ADCY9: variants seen among roughly 807,000 people sequenced by gnomAD.
The protein encoded by ADCY9 is adenylate cyclase type 9.
ADCY9 carries 50 observed loss-of-function variants against 101.5 expected under a neutral mutation model. The ratio of observed to expected loss-of-function variants is 0.49; its 90% CI spans 0.39 to 0.62. The LOEUF is 0.62. Ranked by LOEUF, ADCY9 falls within the 20% of genes least tolerant of loss-of-function variation. The probability of loss-of-function intolerance (pLI) is 0.00; values close to 1 mark genes in which losing one functional copy is unlikely to be tolerated. For missense variants in ADCY9, 1,662 were observed against 1,800.4 expected (o/e 0.92, Z 1.39); for synonymous variants, 905 against 769.3 (o/e 1.18, Z -2.92).
At chr16:3,974,513 C>T (rs952342618) in intron 10 of ADCY9, among the ~76,000 whole-genome samples, 156 bp downstream of exon 10, 3 of 152,030 alleles carry the variant, frequency 2.0e-5, no homozygotes, top group African/African-American at 7.2e-5. Flanking sequence ...AACTATGATA[C>T]AGTTCAACGA....
At position 3,989,075 on chromosome 16, in the gene ADCY9, A is replaced by G; in HGVS notation, c.2229T>C (p.Phe743=). 1 of 1,613,890 alleles carries G rather than the reference A, an allele frequency of 6.2e-7. No individual in the cohort carries two copies. The highest frequency in any genetic ancestry group is 8.5e-7 in the Non-Finnish European group (1 of 1,179,776). Residue 743 remains phenylalanine (F), a synonymous_variant, in exon 6 of 11, where the codon TTT becomes TTC. Transcript: ENST00000294016. ...KEDSLMKDYF[F]KPPINQFSLN... ...GGCTGAACTGATTAATGGGCGGCTTAAAAAAGTAATCTTTCATCAGGCTAG... is the reference window on the plus strand; with the variant it reads ...GGCTGAACTGATTAATGGGCGGCTTGAAAAAGTAATCTTTCATCAGGCTAG...
intron 2 of ADCY9, among the ~76,000 whole-genome samples, chr16:4,113,047 C>T (rs961029758): frequency 2.6e-5 from 4 of 152,080 alleles, no homozygotes; most frequent in Non-Finnish European, 5.9e-5. Context: ...AGGTACGTTT[C>T]TCCCTTCCAA....
chr16:3,980,881 C>G (rs915263505), intron 7 of ADCY9, among the ~76,000 whole-genome samples: 1 of 152,188 alleles, frequency 6.6e-6, no homozygotes, highest in African/African-American at 2.4e-5. Context: ...CTGCAGGGAT[C>G]TGAAAATGAG....
chr16:4,040,741 T>C (rs566563422), intron 2 of ADCY9, among the ~76,000 whole-genome samples: 1 of 152,086 alleles, frequency 6.6e-6, no homozygotes, highest in South Asian at 2.1e-4. Flanking sequence ...ATAGGAGTAA[T>C]GACATCTTTA....
At chr16:4,034,519 C>T (rs1176922307) in intron 2 of ADCY9, among the ~76,000 whole-genome samples, 2 of 152,160 alleles carry the variant, frequency 1.3e-5, no homozygotes, top group African/African-American at 4.8e-5. Flanking sequence ...AAGAGTTTCT[C>T]CTGCCTCAGC....
chr16:4,009,798 A>T (rs930924600), intron 2 of ADCY9, among the ~76,000 whole-genome samples: 19 of 152,208 alleles, frequency 1.2e-4, no homozygotes, highest in Admixed American at 1.2e-3. Flanking sequence ...TAAAAAATGC[A>T]ACCTATGTGG....
At chr16:4,025,638 G>A (rs2056509847) in intron 2 of ADCY9, among the ~76,000 whole-genome samples, 1 of 152,196 alleles carries the variant, frequency 6.6e-6, no homozygotes, top group Non-Finnish European at 1.5e-5. Flanking sequence ...CGGGGGTGTG[G>A]CAGGGCGGAG....
chr16:4,115,033 T>C lies in ADCY9; in HGVS notation c.410A>G (p.His137Arg), dbSNP rs780267565. The C allele has an allele frequency of 1.5e-5, 25 of 1,613,994 alleles. No homozygotes were observed. In the East Asian group the frequency reaches 3.6e-4, roughly 23 times the overall value. ...CLLWSIYFAV[H>R]MRSRLIVMVA... ...CATGACGATCAGTCTGGATCTCATG[T>C]GGACCGCAAAATAGATGCTCCACAG... Residue 137 changes from histidine to arginine, a missense_variant, in exon 2 of 11, where the codon CAC (histidine) becomes CGC (arginine). Coordinates refer to ENST00000294016, the MANE Select transcript of ADCY9 (RefSeq NM_001116.4). The surrounding 1 kb of genome is among the most constrained non-coding windows in gnomAD (Gnocchi z 6.2).
At chr16:4,009,297 G>T (rs1263431670) in intron 2 of ADCY9, among the ~76,000 whole-genome samples, 1 of 152,028 alleles carries the variant, frequency 6.6e-6, no homozygotes, top group East Asian at 1.9e-4. Flanking sequence ...TTAGAGATAG[G>T]GTCTTGCTCT....
At chr16:3,974,491 A>T (rs900879757) in intron 10 of ADCY9, among the ~76,000 whole-genome samples, 178 bp downstream of exon 10, 1 of 152,182 alleles carries the variant, frequency 6.6e-6, no homozygotes. Context: ...TATTTTCCCC[A>T]TTAGACATTA....
intron 5 of ADCY9, among the ~76,000 whole-genome samples, chr16:3,991,235 A>C (rs2056241174): frequency 6.6e-6 from 1 of 152,238 alleles, no homozygotes; most frequent in Non-Finnish European, 1.5e-5. Flanking sequence ...CTTATTAGTC[A>C]TAAGAGGAAT....
chr16:3,971,413 A>C (rs147988725), intron 10 of ADCY9, among the ~76,000 whole-genome samples: 148 of 152,244 alleles, frequency 9.7e-4, no homozygotes, highest in African/African-American at 3.5e-3. Context: ...TGGTCTTGGG[A>C]GCCCTGATAC....
chr16:4,016,678 T>A lies in ADCY9; in HGVS notation c.1694-9120A>T, dbSNP rs563300230. ...TTGAAAACAAAAAAAGGGAATACACTGAAAATGGAAATAAAGCTGTATGAT... is the reference window on the plus strand; with the variant it reads ...TTGAAAACAAAAAAAGGGAATACACAGAAAATGGAAATAAAGCTGTATGAT... On this transcript the variant is annotated intron_variant, in intron 2 of 10. Transcript: ENST00000294016. 8.5e-5 allele frequency among the ~76,000 whole-genome samples: 13 copies of A among 152,200 alleles called. No individual in the cohort carries two copies. The South Asian group carries it at 2.7e-3, about 32-fold the overall frequency.
intron 10 of ADCY9, among the ~76,000 whole-genome samples, chr16:3,971,182 C>T (rs2056048354): frequency 6.6e-6 from 1 of 152,052 alleles, no homozygotes; most frequent in Non-Finnish European, 1.5e-5. Flanking sequence ...TAATGAGCTT[C>T]CCTGGTAGGC....
At chr16:3,996,932 T>G (rs2056291858) in intron 3 of ADCY9, among the ~76,000 whole-genome samples, 1 of 152,162 alleles carries the variant, frequency 6.6e-6, no homozygotes, top group African/African-American at 2.4e-5. Context: ...TGGGGAGATC[T>G]TGGCTCACTG....
chr16:4,038,005 G>A (rs1410726330), intron 2 of ADCY9, among the ~76,000 whole-genome samples: 1 of 151,464 alleles, frequency 6.6e-6, no homozygotes, highest in African/African-American at 2.5e-5. Context: ...TGGCACAGTG[G>A]CTCAACACCT....
chr16:4,033,745 G>A (rs1567446613), intron 2 of ADCY9, among the ~76,000 whole-genome samples: 1 of 152,104 alleles, frequency 6.6e-6, no homozygotes. Flanking sequence ...GTCAGTTCAT[G>A]GACTCGACAC....
intron 2 of ADCY9, among the ~76,000 whole-genome samples, chr16:4,052,852 G>A (rs1048804099): frequency 2.6e-5 from 4 of 152,194 alleles, no homozygotes; most frequent in African/African-American, 4.8e-5. Flanking sequence ...GCGGGGTCCC[G>A]TTTCAGCCGA....
intron 2 of ADCY9, among the ~76,000 whole-genome samples, chr16:4,036,695 C>T (rs1006097909): frequency 1.3e-5 from 2 of 152,084 alleles, no homozygotes; most frequent in African/African-American, 4.8e-5. Context: ...CTCCTGACCT[C>T]AGGTGATCTG....
Sources: allele counts gnomAD v4.1 joint callset (sites outside exome capture counted in the v4.1 genomes callset), GRCh38; gene constraint gnomAD v4.1.1; non-coding constraint Gnocchi (gnomAD v3.1); transcripts MANE v1.5; gene names NCBI Gene and HGNC (gene_info 2026-07-23, HGNC 2026-07-21).